Variants in RANBP2 observed in about 807,000 individuals in gnomAD.
The protein encoded by RANBP2 is RAN binding protein 2.
Under a neutral mutation model 303.6 loss-of-function variants are expected in RANBP2, and 57 were observed. The observed-to-expected ratio is 0.19, with a 90% CI of 0.15 to 0.23. The LOEUF (loss-of-function observed/expected upper bound fraction) is 0.23, where lower values mean the gene tolerates loss of function less well. RANBP2 is among the 10% of genes least tolerant of loss of function. The pLI, the probability that RANBP2 is intolerant of heterozygous loss-of-function variation, is 1.00. For missense variants in RANBP2, 3,138 were observed against 3,780.8 expected (o/e 0.83, Z 4.46); for synonymous variants, 1,167 against 1,301.5 (o/e 0.90, Z 2.23).
At chr2:109,420,880 G>A in the RANBP2 span, among the ~76,000 whole-genome samples, 2 of 152,214 alleles carry the variant, frequency 1.3e-5, no homozygotes, top group African/African-American at 2.4e-5. Flanking sequence ...TTTCTTAAGT[G>A]GTGGGCAGGA....
chr2:108,932,573 T>C, the RANBP2 span, among the ~76,000 whole-genome samples: 1 of 145,906 alleles, frequency 6.9e-6, no homozygotes, highest in Non-Finnish European at 1.5e-5. Context: ...AAGAATTAAG[T>C]TGGAGAAGGA....
At chr2:109,539,328 CTA>C in the RANBP2 span, among the ~76,000 whole-genome samples, 3 of 152,062 alleles carry the variant, frequency 2.0e-5, no homozygotes, top group Admixed American at 6.5e-5. Flanking sequence ...GTGCACAGTT[CTA>C]TGAGTCTTTA....
the RANBP2 span, among the ~76,000 whole-genome samples, chr2:109,743,252 C>T: frequency 2.7e-5 from 4 of 147,814 alleles, no homozygotes; most frequent in Non-Finnish European, 6.0e-5. Context: ...GCCTGGGTGG[C>T]AGAGCAAGAC....
At chr2:108,741,822 TTTTTTTTTTTAA>T (rs1396677914) in intron 7 of RANBP2, among the ~76,000 whole-genome samples, 1 of 149,302 alleles carries the variant, frequency 6.7e-6, no homozygotes, top group Non-Finnish European at 1.5e-5. Context: ...TTTTTTTTTT[TTTTTTTTTTTAA>T]TGAGCTTGCA....
the RANBP2 span, among the ~76,000 whole-genome samples, chr2:109,090,274 T>C: frequency 2.0e-5 from 3 of 149,804 alleles, no homozygotes; most frequent in African/African-American, 5.0e-5. Context: ...GGTTGGTTCC[T>C]AAAATCAGAA....
the RANBP2 span, among the ~76,000 whole-genome samples, chr2:109,731,847 C>CT: frequency 0.057 from 8,174 of 142,208 alleles, 270 homozygotes; most frequent in Non-Finnish European, 0.082. Context: ...TTCTCTTTTT[C>CT]TTTTTTTTTT....
At chr2:108,957,861 T>G in the RANBP2 span, among the ~76,000 whole-genome samples, 1 of 152,244 alleles carries the variant, frequency 6.6e-6, no homozygotes, top group Non-Finnish European at 1.5e-5. Context: ...ATTATGTTTT[T>G]GTAACGTTTT....
At chr2:109,484,661 T>C in the RANBP2 span, among the ~76,000 whole-genome samples, 2 of 152,196 alleles carry the variant, frequency 1.3e-5, no homozygotes, top group Admixed American at 1.3e-4. Context: ...CCTTTTTATT[T>C]TTCCCCTCTT....
the RANBP2 span, chr2:108,929,141 C>G: frequency 1.9e-6 from 3 of 1,601,600 alleles, no homozygotes; most frequent in East Asian, 4.5e-5. Context: ...TGCCCGTAGC[C>G]CCTCGGGGTT....
the RANBP2 span, among the ~76,000 whole-genome samples, chr2:109,010,843 A>G: frequency 3.3e-5 from 5 of 152,308 alleles, 1 homozygote; most frequent in African/African-American, 9.6e-5. Flanking sequence ...ATTCCAAGGA[A>G]TCTATGGAGG....
chr2:109,258,978 C>T, the RANBP2 span, among the ~76,000 whole-genome samples: 1 of 152,220 alleles, frequency 6.6e-6, no homozygotes, highest in African/African-American at 2.4e-5. Context: ...TCCGCATGCC[C>T]TCTCTAGCTG....
intron 17 of RANBP2, among the ~76,000 whole-genome samples, chr2:108,758,054 T>A (rs751387753): frequency 3.9e-5 from 6 of 152,068 alleles, no homozygotes; most frequent in Non-Finnish European, 7.4e-5. Flanking sequence ...TCCCAGCACT[T>A]TGGGAGGCTG....
chr2:109,629,719 A>T, the RANBP2 span, among the ~76,000 whole-genome samples: 1 of 151,832 alleles, frequency 6.6e-6, no homozygotes, highest in Non-Finnish European at 1.5e-5. Flanking sequence ...GCTGAGGCAG[A>T]AGAATCGCTT....
the RANBP2 span, among the ~76,000 whole-genome samples, chr2:109,380,816 C>CT: frequency 1.3e-5 from 2 of 152,218 alleles, no homozygotes; most frequent in Admixed American, 1.3e-4. Context: ...AGACATCAAA[C>CT]TTTTTAGATT....
chr2:109,763,239 G>A, the RANBP2 span, among the ~76,000 whole-genome samples: 2 of 150,170 alleles, frequency 1.3e-5, no homozygotes, highest in African/African-American at 4.9e-5. Flanking sequence ...TGCTGAACAC[G>A]TATTATTTAT....
chr2:108,810,534 C>T, the RANBP2 span, among the ~76,000 whole-genome samples: 4 of 152,094 alleles, frequency 2.6e-5, no homozygotes, highest in African/African-American at 9.7e-5. Context: ...GGTATATTAT[C>T]TTTTTGGTGT....
the RANBP2 span, among the ~76,000 whole-genome samples, chr2:108,859,781 G>T: frequency 2.0e-5 from 3 of 151,372 alleles, no homozygotes; most frequent in Non-Finnish European, 4.4e-5. Context: ...TTGGCTGTTT[G>T]GGCTCATTCT....
chr2:109,494,243 G>A, the RANBP2 span, among the ~76,000 whole-genome samples: 3 of 152,190 alleles, frequency 2.0e-5, no homozygotes, highest in African/African-American at 4.8e-5. Context: ...ACTCACTCCC[G>A]TTCTCTGAGT....
the RANBP2 span, among the ~76,000 whole-genome samples, chr2:108,874,745 AC>A: frequency 6.6e-6 from 1 of 152,264 alleles, no homozygotes; most frequent in Admixed American, 6.5e-5. Flanking sequence ...AATTTGACTG[AC>A]CAAGTTACTA....
Sources: gnomAD v4.1 joint callset for allele counts (sites outside exome capture counted in the v4.1 genomes callset) on GRCh38, gnomAD v4.1.1 for gene constraint, MANE v1.5 for transcripts, NCBI Gene and HGNC (gene_info 2026-07-23, HGNC 2026-07-21) for gene names.